The following RYR2 variants were observed in gnomAD, a reference collection of about 807,000 sequenced individuals.
RYR2 encodes ryanodine receptor 2.
In RYR2, 227 loss-of-function variants were observed where a neutral mutation model predicts 601.1. That is an observed-to-expected ratio of 0.38 (90% CI 0.34 to 0.42). The LOEUF is 0.42. Among genes scored for constraint, RYR2 ranks in the 10% least tolerant of loss-of-function variants. The pLI, the probability that RYR2 is intolerant of heterozygous loss-of-function variation, is 1.00. For synonymous variants in RYR2, 2,223 were observed against 2,175.1 expected (o/e 1.02, Z -0.61); for missense variants, 4,646 against 6,156.5 (o/e 0.75, Z 8.21).
At chr1:237,644,376 G>T (rs1573307434) in intron 48 of RYR2, among the ~76,000 whole-genome samples, 1 of 152,182 alleles carries the variant, frequency 6.6e-6, no homozygotes, top group East Asian at 1.9e-4. Context: ...GGGACTACAG[G>T]CATGTGTCAC....
intron 49 of RYR2, among the ~76,000 whole-genome samples, chr1:237,649,182 T>C (rs1317254514): frequency 6.6e-6 from 1 of 152,236 alleles, no homozygotes; most frequent in Non-Finnish European, 1.5e-5. Context: ...AATGTTATTG[T>C]AGTAGTTATG....
At chr1:237,529,060 G>GCACAA (rs1428535393) in intron 24 of RYR2, among the ~76,000 whole-genome samples, 8 of 152,046 alleles carry the variant, frequency 5.3e-5, no homozygotes, top group Non-Finnish European at 1.2e-4. Context: ...ATTGCCTGTT[G>GCACAA]TCTGTAGCAC....
chr1:237,471,561 G>A (rs191292657), intron 17 of RYR2, among the ~76,000 whole-genome samples: 36 of 152,296 alleles, frequency 2.4e-4, no homozygotes, highest in Non-Finnish European at 2.6e-4. Context: ...AGAGATAGGT[G>A]CAGGGCAGCC....
chr1:237,394,023 C>T (rs139773662), intron 10 of RYR2, among the ~76,000 whole-genome samples: 72 of 152,202 alleles, frequency 4.7e-4, no homozygotes, highest in African/African-American at 1.7e-3. Context: ...GAAAAACAGA[C>T]AATAGATTAA....
Position 237,590,689 on chromosome 1 carries a change from C to T in RYR2, c.3857C>T (p.Thr1286Ile). 1.3e-6 allele frequency: 2 copies of T among 1,587,120 alleles called. No homozygotes were observed. Among genetic ancestry groups the T allele is most frequent in the Non-Finnish European group, 1.7e-6 (2 of 1,164,748 alleles). ...TIDSSPCLKV[T>I]QKSFGSQNSN... ...GACAGTTCCCCATGTTTAAAGGTCA[C>T]TCAGAAGTCTTTTGGTTCTCAGAAC... is the stretch of plus-strand genomic sequence containing the variant. The change falls in exon 31 of 105, where the codon ACT becomes ATT. Residue 1286 changes from threonine to isoleucine, a missense_variant. This residue lies in a region of RYR2 where 1,807 missense variants were observed against 2,088.1 expected (regional missense o/e 0.87). Coordinates refer to ENST00000366574, the MANE Select transcript of RYR2 (RefSeq NM_001035.3).
chr1:237,747,773 A>C (rs376323613), intron 80 of RYR2, among the ~76,000 whole-genome samples: 1 of 152,338 alleles, frequency 6.6e-6, no homozygotes, highest in East Asian at 1.9e-4. Flanking sequence ...TTTTAAATGC[A>C]TAAAAATTAA....
chr1:237,557,067 T>C (rs903432646), intron 27 of RYR2, among the ~76,000 whole-genome samples: 3 of 152,132 alleles, frequency 2.0e-5, no homozygotes, highest in Non-Finnish European at 4.4e-5. Context: ...GCTGGAGCAC[T>C]GGATACTAAG....
intron 1 of RYR2, among the ~76,000 whole-genome samples, chr1:237,234,107 C>T (rs371224948): frequency 6.6e-6 from 1 of 152,154 alleles, no homozygotes; most frequent in Non-Finnish European, 1.5e-5. Flanking sequence ...CCTCAGGGAA[C>T]TCGCATGGAG....
chr1:237,579,481 C>G (rs1380092892), intron 29 of RYR2, among the ~76,000 whole-genome samples: 2 of 152,186 alleles, frequency 1.3e-5, no homozygotes, highest in East Asian at 3.9e-4. Flanking sequence ...TCTCGAACTC[C>G]TGACCTCAGG....
intron 38 of RYR2, among the ~76,000 whole-genome samples, chr1:237,619,607 T>C (rs1271592370): frequency 4.6e-5 from 7 of 151,712 alleles, no homozygotes; most frequent in South Asian, 2.1e-4. Context: ...AGATATGAAG[T>C]GAGAGATTCA....
At chr1:237,607,313 C>A (rs1360420565) in intron 35 of RYR2, among the ~76,000 whole-genome samples, 5 of 151,968 alleles carry the variant, frequency 3.3e-5, no homozygotes, top group Non-Finnish European at 5.9e-5. Context: ...TCTCAGCAAA[C>A]TATCACAAGG....
rs1676178164 is a variant in RYR2, at chr1:237,162,773, G to A, written c.49-107724G>A. On this transcript the variant is annotated intron_variant, in intron 1 of 104. Coordinates refer to ENST00000366574, the MANE Select transcript of RYR2 (RefSeq NM_001035.3). ...AAGTGTACTTAGCCTGTTAAGTAGAGAAACAATTTCCATAGGATAGGGTTT... is the reference window on the plus strand; with the variant it reads ...AAGTGTACTTAGCCTGTTAAGTAGAAAAACAATTTCCATAGGATAGGGTTT... Among the ~76,000 whole-genome samples, 4 of 152,160 alleles carry A rather than the reference G, an allele frequency of 2.6e-5. No homozygotes were observed. In the South Asian group the frequency reaches 8.3e-4, roughly 32 times the overall value.
At chr1:237,258,899 C>T (rs958310426) in intron 1 of RYR2, among the ~76,000 whole-genome samples, 1 of 152,116 alleles carries the variant, frequency 6.6e-6, no homozygotes, top group South Asian at 2.1e-4. Context: ...TTTATTTCTA[C>T]TAAACTGGGA....
At chr1:237,696,540 C>CCT (rs753993928) in intron 63 of RYR2, among the ~76,000 whole-genome samples, 2 of 138,726 alleles carry the variant, frequency 1.4e-5, no homozygotes, top group African/African-American at 5.4e-5. Flanking sequence ...GCACTGCAGA[C>CCT]TTTTTTTTTT....
intron 10 of RYR2, among the ~76,000 whole-genome samples, chr1:237,416,094 A>G (rs1452728414): frequency 6.6e-6 from 1 of 152,358 alleles, no homozygotes; most frequent in African/African-American, 2.4e-5. Flanking sequence ...GAGTTTCCAC[A>G]GTGTTAAAAA....
At chr1:237,459,114 A>G (rs930916390) in intron 16 of RYR2, among the ~76,000 whole-genome samples, 1 of 152,274 alleles carries the variant, frequency 6.6e-6, no homozygotes, top group Non-Finnish European at 1.5e-5. Flanking sequence ...TTGCAAATGC[A>G]GAAGTTATAG....
chr1:237,637,825 G>C (rs1387610125), intron 44 of RYR2, among the ~76,000 whole-genome samples: 1 of 152,142 alleles, frequency 6.6e-6, no homozygotes, highest in Non-Finnish European at 1.5e-5. Flanking sequence ...TTCTTTCGTA[G>C]TTTTACACAT....
At chr1:237,120,452 A>G (rs1465461600) in intron 1 of RYR2, among the ~76,000 whole-genome samples, 1 of 152,180 alleles carries the variant, frequency 6.6e-6, no homozygotes, top group Non-Finnish European at 1.5e-5. Flanking sequence ...GAAAAGAGAC[A>G]ATGCCTGGGA....
intron 27 of RYR2, 53 bp from the exon 28 acceptor site, chr1:237,566,514 T>G (rs559850709): frequency 6.5e-7 from 1 of 1,544,386 alleles, no homozygotes; most frequent in East Asian, 2.3e-5. Flanking sequence ...TATCTTTCCT[T>G]CTCTTTCACC....
Sources: allele counts gnomAD v4.1 joint callset (sites outside exome capture counted in the v4.1 genomes callset), GRCh38; gene constraint gnomAD v4.1.1; regional missense constraint gnomAD v4.1.1; transcripts MANE v1.5; gene names NCBI Gene and HGNC (gene_info 2026-07-23, HGNC 2026-07-21).